Variants in ZNF880 observed in about 807,000 individuals in gnomAD.
ZNF880 encodes the protein zinc finger protein LOC400713.
ZNF880 carries 12 observed loss-of-function variants against 11.8 expected under a neutral mutation model. The ratio of observed to expected loss-of-function variants is 1.02; its 90% CI spans 0.65 to 1.65. ZNF880 has a LOEUF of 1.65. Ranked by LOEUF, ZNF880 falls within the 40% of genes most tolerant of loss-of-function variation. ZNF880 has a pLI of 0.00. For synonymous variants in ZNF880, 210 were observed against 232.4 expected, an observed-to-expected ratio of 0.90 and a Z score of 0.88; for missense variants, 601 against 673.9, an observed-to-expected ratio of 0.89 and a Z score of 1.20.
At position 52,384,463 on chromosome 19, in the gene ZNF880, C is replaced by G. The variant is rs1986802831; in HGVS notation, c.883C>G (p.Pro295Ala). Residue 295 changes from proline to alanine, a missense_variant, in exon 4 of 4, where the codon CCT (proline) becomes GCT (alanine). Pro to Ala is a conservative substitution (Grantham distance 27). Transcript: ENST00000422689. ...TCACAGAATCCACACTGGAGAGAAACCTTACAAATGTAATGAGTGTGGCAA... is the reference window on the plus strand; with the variant it reads ...TCACAGAATCCACACTGGAGAGAAAGCTTACAAATGTAATGAGTGTGGCAA... ...NHHRIHTGEK[P>A]YKCNECGKVF... 1 of 1,614,052 alleles carries G rather than the reference C, an allele frequency of 6.2e-7. No homozygotes were observed. The highest frequency in any genetic ancestry group is 1.1e-5 in the South Asian group (1 of 91,086).
the ZNF880 span, among the ~76,000 whole-genome samples, chr19:52,392,495 A>G: frequency 2.0e-5 from 3 of 152,186 alleles, no homozygotes; most frequent in South Asian, 4.1e-4. Context: ...GAGACAGCAT[A>G]TTGCCACGTT....
chr19:52,391,101 G>A, the ZNF880 span: 1 of 152,376 alleles, frequency 6.6e-6, no homozygotes, highest in African/African-American at 2.4e-5. Context: ...TAGGGAGAGG[G>A]GCAGAAAAGG....
At chr19:52,369,339 G>A (rs1429120570), upstream of ZNF880, among the ~76,000 whole-genome samples, 2 of 130,866 alleles carry the variant, frequency 1.5e-5, no homozygotes, top group Non-Finnish European at 3.1e-5. Context: ...TCCAGCCTGG[G>A]CAAAAGAACG....
chr19:52,369,401 G>T (rs1446348068), upstream of ZNF880, among the ~76,000 whole-genome samples: 2 of 148,696 alleles, frequency 1.3e-5, no homozygotes, highest in African/African-American at 4.9e-5. Flanking sequence ...TGCACATTCC[G>T]CCCTGGCAGG....
chr19:52,393,516 AGACTT>A, the ZNF880 span, among the ~76,000 whole-genome samples: 5 of 152,172 alleles, frequency 3.3e-5, no homozygotes, highest in African/African-American at 1.2e-4. Flanking sequence ...TTGTATTAGA[AGACTT>A]GAAATCACAT....
At chr19:52,375,407 G>T (rs974086001) in intron 3 of ZNF880, among the ~76,000 whole-genome samples, 1 of 151,710 alleles carries the variant, frequency 6.6e-6, no homozygotes, top group Non-Finnish European at 1.5e-5. Context: ...GACCAAGCTG[G>T]TCTCGAACTC....
chr19:52,386,424 G>C (rs1032178097), downstream of ZNF880, among the ~76,000 whole-genome samples: 1 of 143,238 alleles, frequency 7.0e-6, no homozygotes, highest in South Asian at 2.2e-4. Flanking sequence ...CCATGAAATA[G>C]AGCATATCTG....
chr19:52,368,199 C>A (rs1321136800), upstream of ZNF880, among the ~76,000 whole-genome samples: 1 of 76,760 alleles, frequency 1.3e-5, no homozygotes, highest in African/African-American at 7.1e-5. Context: ...AGCAAGGCTC[C>A]GTCTCAAAAA....
chr19:52,389,660 T>C (rs1256729217), downstream of ZNF880: 1 of 152,194 alleles, frequency 6.6e-6, no homozygotes, highest in Non-Finnish European at 1.5e-5. Context: ...CATTCTGGGG[T>C]CTATAGGAGG....
chr19:52,389,216 G>T (rs913684393), downstream of ZNF880: 6 of 152,086 alleles, frequency 3.9e-5, no homozygotes, highest in Non-Finnish European at 5.9e-5. Context: ...CTCCCCAACA[G>T]TCCCCCAAAG....
At chr19:52,393,877 C>T in the ZNF880 span, among the ~76,000 whole-genome samples, 4 of 132,106 alleles carry the variant, frequency 3.0e-5, no homozygotes, top group Non-Finnish European at 4.7e-5. Flanking sequence ...TGCTCTGTCG[C>T]CCAGGCTGGA....
At position 52,384,515 on chromosome 19, in the gene ZNF880, C is replaced by T; in HGVS notation, c.935C>T (p.Ala312Val). ...GTCTTCAACAGAAATGCACACCTTG[C>T]ACGACATCAGAAAATTCATAGTGGA... Reference protein sequence around the residue: ...GKVFNRNAHLARHQKIHSGEK... With the variant: ...GKVFNRNAHLVRHQKIHSGEK... The change falls in exon 4 of 4, where the codon GCA becomes GTA. Residue 312 changes from alanine (A) to valine (V), a missense_variant. Ala to Val is a moderately conservative substitution (Grantham distance 64, BLOSUM62 0). This residue lies in a region of ZNF880 where 420 missense variants were observed against 442.6 expected (regional missense o/e 0.95). Coordinates refer to ENST00000422689, the MANE Select transcript of ZNF880 (RefSeq NM_001145434.2). The T allele has an allele frequency of 6.2e-7, 1 of 1,614,014 alleles. No individual in the cohort carries two copies. Among genetic ancestry groups the T allele is most frequent in the Non-Finnish European group, 8.5e-7 (1 of 1,180,006 alleles).
upstream of ZNF880, among the ~76,000 whole-genome samples, chr19:52,369,473 C>A (rs888621163): frequency 4.0e-5 from 6 of 151,578 alleles, no homozygotes; most frequent in African/African-American, 1.5e-4. Flanking sequence ...CTTTAAAATT[C>A]CGGAAACTAG....
Position 52,385,658 on chromosome 19 carries a change from T to C in ZNF880, c.*344T>C, listed in dbSNP as rs1986864836. 4.6e-6 allele frequency: 1 copy of C among 215,324 alleles called. No individual in the cohort carries two copies. Among genetic ancestry groups the C allele is most frequent in the South Asian group, 9.6e-5 (1 of 10,392 alleles). The allele number at this position is 215,324 out of a possible 1,614,324, so 13.3% of individuals were successfully genotyped here. On this transcript the variant is annotated 3_prime_UTR_variant, in exon 4 of 4. Transcript: ENST00000422689. ...TCTAGTTCTCCAATATTTATGATACTGCATGCTGCAGAAAAGTCACAGCTC... is the reference window on the plus strand; with the variant it reads ...TCTAGTTCTCCAATATTTATGATACCGCATGCTGCAGAAAAGTCACAGCTC...
Position 52,384,365 on chromosome 19 carries a change from A to C in ZNF880, c.785A>C (p.His262Pro), listed in dbSNP as rs948300594. 7 of 1,614,092 alleles carry C rather than the reference A, an allele frequency of 4.3e-6. No individual in the cohort carries two copies. The highest frequency in any genetic ancestry group is 5.9e-6 in the Non-Finnish European group (7 of 1,179,940). ...CTCCTTGCACGACATCAGAGAATACATACTGGAGAGAAACCTTACAAATGT... is the reference window on the plus strand; with the variant it reads ...CTCCTTGCACGACATCAGAGAATACCTACTGGAGAGAAACCTTACAAATGT... Reference protein sequence around the residue: ...ISLLARHQRIHTGEKPYKCHE... With the variant: ...ISLLARHQRIPTGEKPYKCHE... Residue 262 changes from histidine to proline, a missense_variant, in exon 4 of 4, where the codon CAT becomes CCT. Physicochemically the swap from His to Pro is moderately conservative, Grantham distance 77. Transcript: ENST00000422689.
At chr19:52,386,143 G>A (rs1314879049), downstream of ZNF880, among the ~76,000 whole-genome samples, 3 of 126,790 alleles carry the variant, frequency 2.4e-5, no homozygotes, top group Non-Finnish European at 4.9e-5. Context: ...CTGCACTCCA[G>A]CCTGGGGGAC....
intron 3 of ZNF880, among the ~76,000 whole-genome samples, chr19:52,375,757 C>A (rs1986534634): frequency 1.3e-5 from 2 of 152,064 alleles, no homozygotes; most frequent in Non-Finnish European, 1.5e-5. Context: ...GGTTTTCCCT[C>A]AGGCTTTGGG....
chr19:52,373,386 T>C, intron 2 of ZNF880, 149 bp downstream of exon 2: 1 of 709,572 alleles, frequency 1.4e-6, no homozygotes. Context: ...CATAATGCTT[T>C]ATAATGCTGT....
At position 52,385,358 on chromosome 19, in the gene ZNF880, A is replaced by G. The variant is rs1477399876; in HGVS notation, c.*44A>G. On this transcript the variant is annotated 3_prime_UTR_variant, in exon 4 of 4. Transcript: ENST00000422689. The stretch of plus-strand genomic sequence containing the variant: ...TTTAGTAATAATTCACACCTTGCAC[A>G]GCATGAGATAATTCATTCATGAGAG... 3.3e-6 allele frequency: 5 copies of G among 1,528,384 alleles called. No individual in the cohort carries two copies. Among genetic ancestry groups the G allele is most frequent in the East Asian group, 2.5e-5 (1 of 40,526 alleles). 94.7% of individuals were successfully genotyped at this position (1,528,384 alleles called of 1,614,324 possible). A position where few individuals can be genotyped will look rare whatever the true frequency, so the allele number is the denominator to read the frequency against.
Sources: gnomAD v4.1 joint callset for allele counts (sites outside exome capture counted in the v4.1 genomes callset) on GRCh38, gnomAD v4.1.1 for gene constraint, gnomAD v4.1.1 regional missense constraint, MANE v1.5 for transcripts, NCBI Gene and HGNC (gene_info 2026-07-23, HGNC 2026-07-21) for gene names.